Variants in PHTF1 observed in about 807,000 individuals in gnomAD.
PHTF1 encodes the protein putative homeodomain transcription factor 1.
Under a neutral mutation model 102.4 loss-of-function variants are expected in PHTF1, and 88 were observed. That is an observed-to-expected ratio of 0.86 (90% CI 0.72 to 1.03). PHTF1 has a LOEUF of 1.03. PHTF1 is among the 50% of genes least tolerant of loss of function. PHTF1 has a pLI of 0.00. For synonymous variants in PHTF1, 289 were observed against 305.2 expected, an observed-to-expected ratio of 0.95 and a Z score of 0.55; for missense variants, 814 against 909.5, an observed-to-expected ratio of 0.89 and a Z score of 1.35.
In PHTF1 at chr1:113,759,424, G is replaced by A. The variant is rs939640223; in HGVS notation, c.-432C>T. 1 of 6,612 alleles carries A rather than the reference G, an allele frequency of 1.5e-4. No homozygotes were observed. Among genetic ancestry groups the A allele is most frequent in the South Asian group, 0.021 (1 of 48 alleles). 0.4% of individuals were successfully genotyped at this position (6,612 alleles called of 1,614,324 possible). ...CGAGAGCCCGGGAGCCCGGGAGGAGGAGGCGGCGGCAGCGGCGCTCGTCTT... is the reference window on the plus strand; with the variant it reads ...CGAGAGCCCGGGAGCCCGGGAGGAGAAGGCGGCGGCAGCGGCGCTCGTCTT... On this transcript the variant is annotated 5_prime_UTR_variant, in exon 1 of 19. Coordinates refer to ENST00000369604, the MANE Select transcript of PHTF1 (RefSeq NM_001323043.2).
chr1:113,726,561 G>T lies in PHTF1; in HGVS notation c.345C>A (p.Val115=). The change falls in exon 6 of 19, where the codon GTC becomes GTA. Residue 115 remains valine, a synonymous_variant. Transcript: ENST00000369604. ...TCACAATAGGCATCATCAAATATAAGACAATTGCTATAACTGAAAAGAAGA... is the reference window on the plus strand; with the variant it reads ...TCACAATAGGCATCATCAAATATAATACAATTGCTATAACTGAAAAGAAGA... The part of the protein sequence containing the change: ...LLYFMQVIAI[V]LYLMMPIVNI... 1 of 1,581,720 alleles carries T rather than the reference G, an allele frequency of 6.3e-7. No homozygotes were observed. The highest frequency in any genetic ancestry group is 1.2e-5 in the South Asian group (1 of 85,158).
Position 113,738,135 on chromosome 1 carries a change from CCAAA to C in PHTF1, c.302_305del (p.Val101GlyfsTer11), listed in dbSNP as rs1557955843. 6.2e-7 allele frequency: 1 copy of C among 1,611,478 alleles called. No homozygotes were observed. Among genetic ancestry groups the C allele is most frequent in the South Asian group, 1.1e-5 (1 of 90,748 alleles). On this transcript the variant is annotated frameshift_variant, in exon 5 of 19. Coordinates refer to ENST00000369604, the MANE Select transcript of PHTF1 (RefSeq NM_001323043.2). LOFTEE classifies it high-confidence loss of function. ...CTTGCATGAAATAAAGTAGTAACAGCCAAACAAAGATTCTTAAAGAGGTAACCTG... is the reference window on the plus strand; with the variant it reads ...CTTGCATGAAATAAAGTAGTAACAGCCAAAGATTCTTAAAGAGGTAACCTG...
Position 113,700,788 on chromosome 1 carries a change from C to T in PHTF1, c.2046+6G>A, listed in dbSNP as rs779588984. The T allele has an allele frequency of 5.0e-6, 8 of 1,613,008 alleles. No homozygotes were observed. In the East Asian group the frequency reaches 1.6e-4, roughly 31 times the overall value. ...ACTAAACCCAATTGACAGGACTGAT[C>T]AATACCTGTTCTGTAAGTAATATTG... On this transcript the variant is annotated splice_donor_region_variant and intron_variant, in intron 16 of 18. Transcript: ENST00000369604.
At position 113,734,425 on chromosome 1, in the gene PHTF1, A is replaced by G. The variant is rs559482872; in HGVS notation, c.331+3685T>C. Among the ~76,000 whole-genome samples, 13 of 152,342 alleles carry G rather than the reference A, an allele frequency of 8.5e-5. No individual in the cohort carries two copies. In the East Asian group the frequency reaches 2.3e-3, roughly 27 times the overall value. ...AGGTCTCAGATAGAAATGAGAAATAATATGTTATTAGAAACTGAAGGAAAA... is the reference window on the plus strand; with the variant it reads ...AGGTCTCAGATAGAAATGAGAAATAGTATGTTATTAGAAACTGAAGGAAAA... On this transcript the variant is annotated intron_variant, in intron 5 of 18. Transcript: ENST00000369604.
At chr1:113,750,496 A>G (rs1657891892) in intron 3 of PHTF1, among the ~76,000 whole-genome samples, 1 of 152,088 alleles carries the variant, frequency 6.6e-6, no homozygotes, top group African/African-American at 2.4e-5. Context: ...AAGAAAAGAT[A>G]ATATTAATTA....
At position 113,701,826 on chromosome 1, in the gene PHTF1, T is replaced by TAA. The variant is rs34844793; in HGVS notation, c.1891-879_1891-878dup. Among the ~76,000 whole-genome samples, 211 of 27,988 alleles carry TAA rather than the reference T, an allele frequency of 7.5e-3. 13 individuals carry two copies. The highest frequency in any genetic ancestry group is 0.015 in the African/African-American group (105 of 6,864). 18.4% of individuals were successfully genotyped at this position (27,988 alleles called of 152,430 possible). On this transcript the variant is annotated intron_variant, in intron 15 of 18. Transcript: ENST00000369604. ...TGGCAACCTGGAATTCAATTCCTGG[T>TAA]AAAAAAAAAAAAAAAAAAAAAAAAA...
intron 13 of PHTF1, among the ~76,000 whole-genome samples, 154 bp from the exon 14 acceptor site, chr1:113,704,951 A>C (rs1649904684): frequency 6.6e-6 from 1 of 152,232 alleles, no homozygotes; most frequent in African/African-American, 2.4e-5. Context: ...TTTCATTAAT[A>C]GCTCGTTACC....
At chr1:113,722,846 G>C (rs969478475) in intron 7 of PHTF1, among the ~76,000 whole-genome samples, 9 of 151,228 alleles carry the variant, frequency 6.0e-5, no homozygotes, top group African/African-American at 2.2e-4. Flanking sequence ...CTTGAACCTG[G>C]GAGGCAGAGG....
chr1:113,715,596 C>T (rs761941111), intron 7 of PHTF1, among the ~76,000 whole-genome samples: 10 of 121,590 alleles, frequency 8.2e-5, no homozygotes, highest in Non-Finnish European at 1.3e-4. Context: ...TGCAGTGAGC[C>T]GAGATTGTAC....
rs1161217935 is a variant in PHTF1 at position 113,726,592 on chromosome 1, T to C, written c.332-18A>G. 4 of 1,493,726 alleles carry C rather than the reference T, an allele frequency of 2.7e-6. No individual in the cohort carries two copies. In the African/African-American group the frequency reaches 4.3e-5, roughly 16 times the overall value. The allele number at this position is 1,493,726 out of a possible 1,614,324, so 92.5% of individuals were successfully genotyped here. ...TGCTATAACTGAAAAGAAGAGGTTTTAAGATGTAAAACATTAGAGCTCTTC... is the reference window on the plus strand; with the variant it reads ...TGCTATAACTGAAAAGAAGAGGTTTCAAGATGTAAAACATTAGAGCTCTTC... On this transcript the variant is annotated intron_variant, in intron 5 of 18. Transcript: ENST00000369604.
chr1:113,758,735 T>TGAAAATGAAG lies in PHTF1; in HGVS notation c.-30-12_-30-3dup, dbSNP rs1659265153. On this transcript the variant is annotated splice_region_variant and splice_polypyrimidine_tract_variant and intron_variant, in intron 1 of 18. Transcript: ENST00000369604. ...CTCCAGCCAGAGAATGGGATTTCAC[T>TGAAAATGAAG]GAAAATGAAGGAAAACCAATCGGTG... is the stretch of plus-strand genomic sequence containing the variant. 6.2e-7 allele frequency: 1 copy of TGAAAATGAAG among 1,605,354 alleles called. No homozygotes were observed. The highest frequency in any genetic ancestry group is 1.3e-5 in the African/African-American group (1 of 74,540).
At chr1:113,698,626 C>T (rs1240909090) in intron 17 of PHTF1, among the ~76,000 whole-genome samples, 29 of 113,220 alleles carry the variant, frequency 2.6e-4, no homozygotes, top group South Asian at 1.1e-3. Context: ...TATATACACA[C>T]ACACACACAC....
At chr1:113,744,369 G>C (rs779022261) in intron 3 of PHTF1, among the ~76,000 whole-genome samples, 1 of 152,198 alleles carries the variant, frequency 6.6e-6, no homozygotes, top group Non-Finnish European at 1.5e-5. Context: ...GTGAAACCCT[G>C]TGAGAAATCT....
chr1:113,729,573 T>G (rs1654335189), intron 5 of PHTF1, among the ~76,000 whole-genome samples: 1 of 152,148 alleles, frequency 6.6e-6, no homozygotes, highest in Non-Finnish European at 1.5e-5. Flanking sequence ...AAAAAGAATT[T>G]GATTGGCATT....
chr1:113,699,549 C>T, intron 17 of PHTF1, 155 bp downstream of exon 17: 1 of 666,824 alleles, frequency 1.5e-6, no homozygotes, highest in Admixed American at 2.3e-5. Context: ...TGGTCCTAAC[C>T]ACCACTGTGA....
chr1:113,704,600 C>G, intron 14 of PHTF1, 66 bp downstream of exon 14: 1 of 1,197,856 alleles, frequency 8.3e-7, no homozygotes, highest in Non-Finnish European at 1.2e-6. Context: ...TACTGAGTAA[C>G]TGCTGCCAGG....
At chr1:113,714,719 A>G (rs1651697512) in intron 7 of PHTF1, 1 of 152,296 alleles carries the variant, frequency 6.6e-6, no homozygotes, top group African/African-American at 2.4e-5. Context: ...AAGGAAGGAC[A>G]TAAGCCTGGC....
chr1:113,718,626 A>G (rs1652442955), intron 7 of PHTF1, among the ~76,000 whole-genome samples: 1 of 152,234 alleles, frequency 6.6e-6, no homozygotes, highest in Non-Finnish European at 1.5e-5. Flanking sequence ...GAGGTTCCCA[A>G]ACCTCAATTC....
Position 113,711,956 on chromosome 1 carries a change from CTTGAAAGTA to C in PHTF1, c.932_940del (p.Ile311_Ser313del). 6.2e-7 allele frequency: 1 copy of C among 1,613,860 alleles called. No individual in the cohort carries two copies. Among genetic ancestry groups the C allele is most frequent in the Non-Finnish European group, 8.5e-7 (1 of 1,179,786 alleles). Reference sequence around the variant, plus strand: ...AGAAATTACCTGAGAGTTTAGGTGCCTTGAAAGTATTGATTTTCTATTCTTAACTTCACA... The same window carrying C: ...AGAAATTACCTGAGAGTTTAGGTGCCTTGATTTTCTATTCTTAACTTCACA... On this transcript the variant is annotated inframe_deletion, in exon 9 of 19. Transcript: ENST00000369604.
Sources: gnomAD v4.1 joint callset for allele counts (sites outside exome capture counted in the v4.1 genomes callset) on GRCh38, gnomAD v4.1.1 for gene constraint, MANE v1.5 for transcripts, NCBI Gene and HGNC (gene_info 2026-07-23, HGNC 2026-07-21) for gene names.